Variants in MAST4 observed in about 807,000 individuals in gnomAD.
The protein encoded by MAST4 is microtubule associated serine/threonine kinase family member 4.
A neutral mutation model predicts 162.7 loss-of-function variants in MAST4; 89 were observed. The observed-to-expected ratio is 0.55, with a 90% CI of 0.46 to 0.65. MAST4 has a LOEUF of 0.65. Among genes scored for constraint, MAST4 ranks in the 30% least tolerant of loss-of-function variants. The pLI is 0.00. For missense variants in MAST4, 3,153 were observed against 3,374.0 expected (o/e 0.93, Z 1.62); for synonymous variants, 1,479 against 1,361.1 (o/e 1.09, Z -1.91).
At chr5:66,721,943 C>T (rs139432238) in intron 1 of MAST4, among the ~76,000 whole-genome samples, 1 of 152,102 alleles carries the variant, frequency 6.6e-6, no homozygotes, top group East Asian at 1.9e-4. Context: ...CATCCAGAAT[C>T]TCATCACTTC....
chr5:66,724,214 T>C (rs1193857993), intron 1 of MAST4, among the ~76,000 whole-genome samples: 1 of 152,180 alleles, frequency 6.6e-6, no homozygotes, highest in Non-Finnish European at 1.5e-5. Context: ...TTACAACAGT[T>C]ACAACAACAT....
chr5:67,106,225 ACT>A (rs1302205754), intron 10 of MAST4, among the ~76,000 whole-genome samples: 1 of 151,528 alleles, frequency 6.6e-6, no homozygotes, highest in African/African-American at 2.4e-5. Context: ...AGACCTATAG[ACT>A]CTAATGGCTT....
rs1284502754 is a variant in MAST4, at chr5:67,167,169, A to C, written c.*118A>C. ...TCCGCCAGGCAGAGCTCGGAGCCTC[A>C]TTGAGACAGGGGAGAGAGAAAGACA... On this transcript the variant is annotated 3_prime_UTR_variant, in exon 29 of 29. Transcript: ENST00000403625. The C allele has an allele frequency of 1.8e-5, 14 of 793,210 alleles. No homozygotes were observed. Among genetic ancestry groups the C allele is most frequent in the Non-Finnish European group, 2.3e-5 (13 of 560,812 alleles). The allele number at this position is 793,210 out of a possible 1,614,324, so 49.1% of individuals were successfully genotyped here. A position where few individuals can be genotyped will look rare whatever the true frequency, so the allele number is the denominator to read the frequency against.
At chr5:67,051,781 A>G (rs1435557909) in intron 4 of MAST4, among the ~76,000 whole-genome samples, 1 of 152,234 alleles carries the variant, frequency 6.6e-6, no homozygotes, top group Non-Finnish European at 1.5e-5. Flanking sequence ...AAATTCATTC[A>G]TAAGGCGAAG....
At chr5:67,005,156 C>G (rs558086788) in intron 4 of MAST4, 9 of 718,096 alleles carry the variant, frequency 1.3e-5, no homozygotes, top group Middle Eastern at 4.6e-4. Context: ...GCGGAGCTGC[C>G]TGAGCCCCTC....
chr5:67,004,684 C>G (rs956302855), intron 4 of MAST4: 1 of 278,454 alleles, frequency 3.6e-6, no homozygotes, highest in Non-Finnish European at 7.0e-6. Flanking sequence ...ACGCACGGCT[C>G]AACTCATGTA....
At position 67,054,466 on chromosome 5, in the gene MAST4, C is replaced by G. The variant is rs935714364; in HGVS notation, c.737C>G (p.Pro246Arg). 6.2e-7 allele frequency: 1 copy of G among 1,610,978 alleles called. No homozygotes were observed. Among genetic ancestry groups the G allele is most frequent in the African/African-American group, 1.3e-5 (1 of 74,846 alleles). Residue 246 changes from proline to arginine, a missense_variant, in exon 5 of 29, where the codon CCA becomes CGA. This residue lies in a region of MAST4 where 360 missense variants were observed against 450.0 expected (regional missense o/e 0.80). Transcript: ENST00000403625. Reference sequence around the variant, plus strand: ...GGGCAGTCACCAGCATTGCCTCGACCACACTCACCTCTCTCTGCTCATGCA... The same window carrying G: ...GGGCAGTCACCAGCATTGCCTCGACGACACTCACCTCTCTCTGCTCATGCA... ...GNGQSPALPR[P>R]HSPLSAHAGN...
chr5:67,033,461 A>G (rs1436862299), intron 4 of MAST4, among the ~76,000 whole-genome samples: 10 of 151,556 alleles, frequency 6.6e-5, no homozygotes, highest in Non-Finnish European at 1.2e-4. Context: ...ACATAGGCAT[A>G]GGCAGGATTT....
chr5:67,113,891 G>A (rs1490963914), intron 11 of MAST4, among the ~76,000 whole-genome samples, 196 bp from the exon 12 acceptor site: 3 of 152,222 alleles, frequency 2.0e-5, no homozygotes, highest in Non-Finnish European at 2.9e-5. Context: ...GTGCATAAAT[G>A]TGTTGGCTTA....
At chr5:66,761,374 A>T (rs2149614979) in intron 2 of MAST4, among the ~76,000 whole-genome samples, 1 of 152,332 alleles carries the variant, frequency 6.6e-6, no homozygotes, top group Middle Eastern at 3.4e-3. Flanking sequence ...ACCACTTAAA[A>T]TTGTATGTTA....
chr5:67,085,730 C>T (rs1182217521), intron 5 of MAST4, among the ~76,000 whole-genome samples: 3 of 152,094 alleles, frequency 2.0e-5, no homozygotes, highest in Non-Finnish European at 2.9e-5. Context: ...CACTTAGAGT[C>T]GAAACAGCTG....
At chr5:67,125,859 A>G (rs937042568) in intron 14 of MAST4, among the ~76,000 whole-genome samples, 3 of 151,838 alleles carry the variant, frequency 2.0e-5, no homozygotes, top group Admixed American at 2.0e-4. Flanking sequence ...ACTAATTTAC[A>G]CTCCCACCAA....
intron 1 of MAST4, among the ~76,000 whole-genome samples, chr5:66,632,716 T>G (rs1744866386): frequency 6.6e-6 from 1 of 152,210 alleles, no homozygotes; most frequent in Non-Finnish European, 1.5e-5. Context: ...ATACTCAGTA[T>G]AAAATATTTT....
intron 2 of MAST4, 63 bp from the exon 3 acceptor site, chr5:66,788,607 C>CCAAAAAAAAAAAAA: frequency 7.3e-7 from 1 of 1,373,710 alleles, no homozygotes; most frequent in Non-Finnish European, 1.0e-6. Flanking sequence ...CCCCCACCCC[C>CCAAAAAAAAAAAAA]ATTGCAATAA....
At chr5:66,959,239 A>G (rs1162782107) in intron 4 of MAST4, 3 of 779,710 alleles carry the variant, frequency 3.8e-6, no homozygotes, top group Non-Finnish European at 7.2e-6. Context: ...GTGCTAACAT[A>G]TAACAACCAT....
chr5:66,782,263 T>TG (rs1754909267), intron 2 of MAST4, among the ~76,000 whole-genome samples: 1 of 135,720 alleles, frequency 7.4e-6, no homozygotes, highest in Admixed American at 7.9e-5. Context: ...CACTCCAGCC[T>TG]GGGGGACAAG....
chr5:66,687,139 T>A (rs1748711855), intron 1 of MAST4, among the ~76,000 whole-genome samples: 2 of 152,160 alleles, frequency 1.3e-5, no homozygotes, highest in Non-Finnish European at 2.9e-5. Flanking sequence ...ATGGATATAT[T>A]TCTTAATGGT....
chr5:66,990,355 G>T (rs965985168), intron 4 of MAST4, among the ~76,000 whole-genome samples: 1 of 152,178 alleles, frequency 6.6e-6, no homozygotes, highest in East Asian at 1.9e-4. Flanking sequence ...TATAGTCTAG[G>T]TTGGGTGTGG....
chr5:66,838,424 CTGTT>C (rs1758182341), intron 3 of MAST4, among the ~76,000 whole-genome samples: 1 of 152,152 alleles, frequency 6.6e-6, no homozygotes, highest in African/African-American at 2.4e-5. Flanking sequence ...ATATATTGAA[CTGTT>C]TGTGTCAGAG....
Sources: allele counts gnomAD v4.1 joint callset (sites outside exome capture counted in the v4.1 genomes callset), GRCh38; gene constraint gnomAD v4.1.1; regional missense constraint gnomAD v4.1.1; transcripts MANE v1.5; gene names NCBI Gene and HGNC (gene_info 2026-07-23, HGNC 2026-07-21).